Variants in DNAH7 observed in about 807,000 individuals in gnomAD.
The protein encoded by DNAH7 is dynein axonemal heavy chain 7, also known as axonemal beta dynein heavy chain 7.
DNAH7 carries 397 observed loss-of-function variants against 444.6 expected under a neutral mutation model. The ratio of observed to expected loss-of-function variants is 0.89; its 90% CI spans 0.82 to 0.97. The LOEUF (loss-of-function observed/expected upper bound fraction) is 0.97. Ranked by LOEUF, DNAH7 falls within the 50% of genes least tolerant of loss-of-function variation. The probability of loss-of-function intolerance (pLI) is 0.00; values close to 1 mark genes in which losing one functional copy is unlikely to be tolerated. For synonymous variants in DNAH7, 1,636 were observed against 1,624.4 expected (o/e 1.01, Z -0.17); for missense variants, 4,902 against 4,800.8 (o/e 1.02, Z -0.62).
intron 12 of DNAH7, among the ~76,000 whole-genome samples, chr2:195,990,659 GAA>G (rs200851943): frequency 1.3e-5 from 2 of 149,082 alleles, no homozygotes; most frequent in East Asian, 3.9e-4. Context: ...ACCCTGTCTC[GAA>G]AAAAAAAGTT....
At position 196,020,048 on chromosome 2, in the gene DNAH7, C is replaced by T. The variant is rs185874308; in HGVS notation, c.744-753G>A. On this transcript the variant is annotated intron_variant, in intron 8 of 64. Transcript: ENST00000312428. ...AAGATTACAAGGATGAAGACCTTTACGATGATCCACTTCTACTTTATGAAT... is the reference window on the plus strand; with the variant it reads ...AAGATTACAAGGATGAAGACCTTTATGATGATCCACTTCTACTTTATGAAT... Among the ~76,000 whole-genome samples the T allele has an allele frequency of 2.0e-4, 31 of 151,676 alleles. No individual in the cohort carries two copies. In the East Asian group the frequency reaches 5.2e-3, roughly 26 times the overall value.
At position 195,756,283 on chromosome 2, in the gene DNAH7, C is replaced by A. The variant is rs541762433; in HGVS notation, c.11436G>T (p.Gly3812=). 97 of 1,604,736 alleles carry A rather than the reference C, an allele frequency of 6.0e-5. No individual in the cohort carries two copies. In the Middle Eastern group the frequency reaches 1.5e-3, roughly 25 times the overall value. ...CAAGATCTGTAGACATGACTGCAAG[C>A]CCCTGAAACACATTTAACCTTGGTT... ...SCVNIQKAIK[G]LAVMSTDLEE... The change falls in exon 62 of 65, where the codon GGG becomes GGT. Residue 3812 remains glycine (G), a splice_region_variant and synonymous_variant. Coordinates refer to ENST00000312428, the MANE Select transcript of DNAH7 (RefSeq NM_018897.3).
chr2:195,790,906 C>A (rs1402069004), intron 57 of DNAH7, among the ~76,000 whole-genome samples: 2 of 152,208 alleles, frequency 1.3e-5, no homozygotes, highest in South Asian at 2.1e-4. Flanking sequence ...AAAAAGACAA[C>A]CTTCAGAATG....
intron 19 of DNAH7, among the ~76,000 whole-genome samples, chr2:195,940,724 C>T (rs1372715194): frequency 6.6e-6 from 1 of 151,722 alleles, no homozygotes; most frequent in Non-Finnish European, 1.5e-5. Context: ...TATAAACACA[C>T]ACTTCTCAAA....
chr2:196,030,177 G>A (rs940453522), intron 5 of DNAH7, among the ~76,000 whole-genome samples: 5 of 152,176 alleles, frequency 3.3e-5, no homozygotes, highest in African/African-American at 2.4e-5. Context: ...GGCAGAAGGC[G>A]AAAGCCACTT....
chr2:196,019,539 T>G (rs1238170519), intron 8 of DNAH7, among the ~76,000 whole-genome samples: 2 of 152,158 alleles, frequency 1.3e-5, no homozygotes, highest in Non-Finnish European at 2.9e-5. Context: ...TAACTAATTT[T>G]TATCTCCAAA....
At chr2:195,811,069 TATA>T (rs1234723571) in intron 51 of DNAH7, among the ~76,000 whole-genome samples, 2 of 152,202 alleles carry the variant, frequency 1.3e-5, no homozygotes, top group Admixed American at 6.5e-5. Flanking sequence ...AAAATGGACA[TATA>T]ATATGATATG....
At chr2:195,871,351 C>T (rs983986332) in intron 40 of DNAH7, among the ~76,000 whole-genome samples, 18 of 152,032 alleles carry the variant, frequency 1.2e-4, no homozygotes, top group African/African-American at 3.6e-4. Context: ...CAGGCTGAAG[C>T]GCAGTGGTGC....
chr2:195,741,936 T>C (rs1055586038), intron 63 of DNAH7, among the ~76,000 whole-genome samples: 13 of 152,196 alleles, frequency 8.5e-5, no homozygotes, highest in African/African-American at 3.1e-4. Context: ...ATTTTAATTA[T>C]AGTTAAATTT....
chr2:195,976,003 C>A (rs1306533122), intron 15 of DNAH7, among the ~76,000 whole-genome samples: 4 of 152,122 alleles, frequency 2.6e-5, no homozygotes, highest in African/African-American at 7.2e-5. Context: ...GTAGTGGCTA[C>A]CAAGAGAGAC....
intron 7 of DNAH7, 116 bp from the exon 8 acceptor site, chr2:196,024,620 TTAA>T (rs1428384946): frequency 9.2e-6 from 5 of 545,970 alleles, no homozygotes; most frequent in African/African-American, 5.9e-5. Flanking sequence ...TTAAAGTTGT[TTAA>T]TAATGAGAAA....
chr2:195,996,317 A>G (rs1306683130), intron 12 of DNAH7, among the ~76,000 whole-genome samples: 1 of 152,242 alleles, frequency 6.6e-6, no homozygotes, highest in African/African-American at 2.4e-5. Flanking sequence ...AGAATGGACC[A>G]GACAACAATT....
chr2:196,062,270 T>C (rs1001061202), intron 1 of DNAH7, among the ~76,000 whole-genome samples: 1 of 152,208 alleles, frequency 6.6e-6, no homozygotes, highest in Admixed American at 6.5e-5. Flanking sequence ...TTGCCCAATT[T>C]AGATTCTACA....
Position 195,855,964 on chromosome 2 carries a change from CT to C in DNAH7, c.8441del (p.Lys2814ArgfsTer2). 6.2e-7 allele frequency: 1 copy of C among 1,611,988 alleles called. No individual in the cohort carries two copies. Among genetic ancestry groups the C allele is most frequent in the Non-Finnish European group, 8.5e-7 (1 of 1,179,300 alleles). On this transcript the variant is annotated frameshift_variant, in exon 45 of 65. Coordinates refer to ENST00000312428, the MANE Select transcript of DNAH7 (RefSeq NM_018897.3). LOFTEE classifies it high-confidence loss of function. Reference protein sequence around the residue: ...DKVAKIVAPKKIKLAAAEGEL... With the variant: ...DKVAKIVAPKXIKLAAAEGEL... ...CCCCTTCAGCTGCAGCCAGTTTTATCTTTTTGGGAGCTACTATTTTTGCCAC... is the reference window on the plus strand; with the variant it reads ...CCCCTTCAGCTGCAGCCAGTTTTATCTTTTGGGAGCTACTATTTTTGCCAC...
intron 42 of DNAH7, among the ~76,000 whole-genome samples, chr2:195,859,678 G>T (rs1227866509): frequency 6.6e-6 from 1 of 152,188 alleles, no homozygotes; most frequent in Non-Finnish European, 1.5e-5. Context: ...ATTCATAAGT[G>T]AGAGCATGCT....
chr2:196,058,121 AT>A lies in DNAH7; in HGVS notation c.16-6del. 1 of 1,567,634 alleles carries A rather than the reference AT, an allele frequency of 6.4e-7. No individual in the cohort carries two copies. Among genetic ancestry groups the A allele is most frequent in the Middle Eastern group, 1.7e-4 (1 of 5,860 alleles). On this transcript the variant is annotated splice_region_variant and splice_polypyrimidine_tract_variant and intron_variant, in intron 1 of 64. Transcript: ENST00000312428. ...TTCTTTGCTGGCCGATTTATCCTGT[AT>A]GAAAAACATGAAAAAACAAAACTGT... is the stretch of plus-strand genomic sequence containing the variant.
intron 15 of DNAH7, among the ~76,000 whole-genome samples, chr2:195,981,920 T>G (rs1258646116): frequency 6.6e-6 from 1 of 152,112 alleles, no homozygotes; most frequent in Non-Finnish European, 1.5e-5. Context: ...ATTTCTTGAG[T>G]AACACACCAC....
chr2:195,884,694 G>GT lies in DNAH7; in HGVS notation c.5653dup (p.Thr1885AsnfsTer6), dbSNP rs1427639992. 1.2e-6 allele frequency: 2 copies of GT among 1,614,116 alleles called. No homozygotes were observed. The highest frequency in any genetic ancestry group is 1.7e-6 in the Non-Finnish European group (2 of 1,179,984). ...ACTCTGTAATTTAAACGTATTTCGA[G>GT]TTCGATCTGAAATTGGACTTTCCAT... On this transcript the variant is annotated frameshift_variant, in exon 35 of 65. Transcript: ENST00000312428. LOFTEE classifies it high-confidence loss of function.
At chr2:195,774,882 T>A (rs1054527256) in intron 60 of DNAH7, among the ~76,000 whole-genome samples, 3 of 152,232 alleles carry the variant, frequency 2.0e-5, no homozygotes, top group African/African-American at 7.2e-5. Flanking sequence ...GCTTGACTGA[T>A]TATTCTTCCT....
Sources: gnomAD v4.1 joint callset for allele counts (sites outside exome capture counted in the v4.1 genomes callset) on GRCh38, gnomAD v4.1.1 for gene constraint, MANE v1.5 for transcripts, NCBI Gene and HGNC (gene_info 2026-07-23, HGNC 2026-07-21) for gene names.